The following MSI2 variants were observed in gnomAD, a reference collection of about 807,000 sequenced individuals.
MSI2 encodes the protein RNA-binding protein Musashi homolog 2.
A neutral mutation model predicts 45.6 loss-of-function variants in MSI2; 17 were observed. The ratio of observed to expected loss-of-function variants is 0.37; its 90% CI spans 0.26 to 0.56. MSI2 has a LOEUF of 0.56. Among genes scored for constraint, MSI2 ranks in the 20% least tolerant of loss-of-function variants. MSI2 has a pLI of 0.77. For missense variants in MSI2, 293 were observed against 444.2 expected, an observed-to-expected ratio of 0.66 and a Z score of 3.06; for synonymous variants, 156 against 158.2, an observed-to-expected ratio of 0.99 and a Z score of 0.11.
At chr17:57,348,250 A>G (rs1279728117) in intron 5 of MSI2, among the ~76,000 whole-genome samples, 1 of 152,080 alleles carries the variant, frequency 6.6e-6, no homozygotes, top group African/African-American at 2.4e-5. Flanking sequence ...TTGAGTTGGG[A>G]GTCACAGGAG....
intron 6 of MSI2, among the ~76,000 whole-genome samples, chr17:57,431,260 G>A (rs1233061961): frequency 6.6e-6 from 1 of 152,164 alleles, no homozygotes; most frequent in African/African-American, 2.4e-5. Flanking sequence ...TCAGAGCCAG[G>A]CTCCTCCTGA....
chr17:57,356,005 C>T (rs1490481779), intron 5 of MSI2, among the ~76,000 whole-genome samples: 1 of 152,204 alleles, frequency 6.6e-6, no homozygotes, highest in Non-Finnish European at 1.5e-5. Flanking sequence ...TCCCAAGTAA[C>T]TGGGATTACA....
chr17:57,276,822 C>T (rs991163425), intron 5 of MSI2, among the ~76,000 whole-genome samples: 11 of 152,050 alleles, frequency 7.2e-5, no homozygotes, highest in East Asian at 1.9e-4. Flanking sequence ...GTAACGGAGG[C>T]GCCTCATTTT....
At chr17:57,365,679 A>G (rs1917135504) in intron 5 of MSI2, among the ~76,000 whole-genome samples, 1 of 152,200 alleles carries the variant, frequency 6.6e-6, no homozygotes, top group Non-Finnish European at 1.5e-5. Context: ...AAGACCCAAT[A>G]GAAGGCCATG....
intron 6 of MSI2, among the ~76,000 whole-genome samples, chr17:57,504,930 T>TA (rs113984172): frequency 0.027 from 3,726 of 136,468 alleles, 160 homozygotes; most frequent in African/African-American, 0.091. Context: ...AAACTCCATT[T>TA]AAAAAAAAAA....
At chr17:57,615,663 C>T (rs1165656526) in intron 8 of MSI2, among the ~76,000 whole-genome samples, 1 of 152,202 alleles carries the variant, frequency 6.6e-6, no homozygotes, top group African/African-American at 2.4e-5. Flanking sequence ...TGTCTGCCTC[C>T]TTATCTGTCA....
At chr17:57,419,126 A>C (rs2084348454) in intron 6 of MSI2, among the ~76,000 whole-genome samples, 1 of 151,984 alleles carries the variant, frequency 6.6e-6, no homozygotes, top group East Asian at 1.9e-4. Context: ...TTCTCTAGTT[A>C]AGTGTTTCTC....
At chr17:57,349,363 T>C (rs1009072171) in intron 5 of MSI2, among the ~76,000 whole-genome samples, 2 of 152,170 alleles carry the variant, frequency 1.3e-5, no homozygotes, top group Admixed American at 6.5e-5. Flanking sequence ...TAGGGCAGCA[T>C]GAACACTCAC....
intron 6 of MSI2, among the ~76,000 whole-genome samples, chr17:57,432,079 C>G (rs976260990): frequency 2.6e-5 from 4 of 152,078 alleles, no homozygotes; most frequent in Non-Finnish European, 5.9e-5. Context: ...CGAGTTGTGT[C>G]GCACTTCATA....
At chr17:57,488,241 G>A (rs77242460) in intron 6 of MSI2, among the ~76,000 whole-genome samples, 2,162 of 152,154 alleles carry the variant, frequency 0.014, 39 homozygotes, top group East Asian at 0.086. Context: ...CCTTCTCCTC[G>A]TCCCAGGAGG....
intron 5 of MSI2, among the ~76,000 whole-genome samples, chr17:57,277,407 C>CCATGGGTCTTTCATGGTCTTT (rs1458897603): frequency 1.3e-5 from 2 of 152,108 alleles, no homozygotes; most frequent in African/African-American, 4.8e-5. Context: ...GTATGGCAGA[C>CCATGGGTCTTTCATGGTCTTT]CATGGGTGTG....
At chr17:57,700,656 A>G in the MSI2 span, among the ~76,000 whole-genome samples, 1 of 152,154 alleles carries the variant, frequency 6.6e-6, no homozygotes, top group African/African-American at 2.4e-5. Flanking sequence ...TAATCCCAGC[A>G]CTTTGGGAGG....
intron 5 of MSI2, among the ~76,000 whole-genome samples, chr17:57,329,949 T>C (rs2143721291): frequency 6.6e-6 from 1 of 152,238 alleles, no homozygotes; most frequent in East Asian, 1.9e-4. Context: ...TGTTTTTTTT[T>C]TTTGGTCAGA....
intron 6 of MSI2, among the ~76,000 whole-genome samples, chr17:57,488,596 G>A (rs2085802311): frequency 6.6e-6 from 1 of 152,112 alleles, no homozygotes; most frequent in South Asian, 2.1e-4. Context: ...GCCAAGGTGG[G>A]CGTATCACCT....
intron 6 of MSI2, among the ~76,000 whole-genome samples, chr17:57,494,791 G>T (rs1242991383): frequency 6.6e-6 from 1 of 152,126 alleles, no homozygotes; most frequent in African/African-American, 2.4e-5. Flanking sequence ...TTCAGCAAAC[G>T]CTGAACACAT....
chr17:57,263,792 CAA>C (rs986989402), intron 5 of MSI2: 15 of 152,230 alleles, frequency 9.9e-5, no homozygotes, highest in African/African-American at 3.6e-4. Flanking sequence ...TCAAACTTGT[CAA>C]AGTGTGCATT....
intron 6 of MSI2, among the ~76,000 whole-genome samples, chr17:57,457,169 C>G (rs961716870): frequency 2.6e-5 from 4 of 152,182 alleles, no homozygotes; most frequent in Admixed American, 2.6e-4. Flanking sequence ...TCTAATAACT[C>G]CTATCACTTC....
chr17:57,615,276 T>C (rs146783825), intron 8 of MSI2, among the ~76,000 whole-genome samples: 1,776 of 152,046 alleles, frequency 0.012, 39 homozygotes, highest in African/African-American at 0.04. Flanking sequence ...TACAGGTGTG[T>C]GCCACCACAC....
chr17:57,653,403 G>A (rs963727071), intron 11 of MSI2, among the ~76,000 whole-genome samples: 3 of 152,114 alleles, frequency 2.0e-5, no homozygotes, highest in Admixed American at 1.3e-4. Context: ...CCAGAGAGTG[G>A]GGCCCCCTTC....
Sources: allele counts gnomAD v4.1 joint callset (sites outside exome capture counted in the v4.1 genomes callset), GRCh38; gene constraint gnomAD v4.1.1; transcripts MANE v1.5; gene names NCBI Gene and HGNC (gene_info 2026-07-23, HGNC 2026-07-21).